The following ZNF143 variants were observed in gnomAD, a reference collection of about 807,000 sequenced individuals.
The protein encoded by ZNF143 is SPH-binding factor.
Under a neutral mutation model 74.1 loss-of-function variants are expected in ZNF143, and 49 were observed. The ratio of observed to expected loss-of-function variants is 0.66; its 90% confidence interval spans 0.53 to 0.84. ZNF143 has a LOEUF of 0.84. Ranked by LOEUF, ZNF143 falls within the 40% of genes least tolerant of loss-of-function variation. The probability of loss-of-function intolerance (pLI) is 0.00; values close to 1 mark genes in which losing one functional copy is unlikely to be tolerated. For missense variants in ZNF143, 637 were observed against 793.4 expected (o/e 0.80, Z 2.37); for synonymous variants, 304 against 282.8 (o/e 1.07, Z -0.75).
chr11:9,483,220 C>T (rs557834880), intron 7 of ZNF143, among the ~76,000 whole-genome samples: 13 of 149,742 alleles, frequency 8.7e-5, no homozygotes, highest in Non-Finnish European at 1.6e-4. Flanking sequence ...TCTCGAACTC[C>T]TGACCTCCAG....
chr11:9,496,995 C>T (rs952152587), intron 9 of ZNF143, among the ~76,000 whole-genome samples: 6 of 152,224 alleles, frequency 3.9e-5, no homozygotes, highest in African/African-American at 1.4e-4. Context: ...ACTCTAACAT[C>T]AGGACAGGCC....
intron 10 of ZNF143, 87 bp from the exon 11 acceptor site, chr11:9,501,004 A>G (rs1331457564): frequency 1.2e-5 from 18 of 1,508,168 alleles, no homozygotes; most frequent in East Asian, 4.6e-5. Context: ...AGTCTTGAGC[A>G]TAATCCTAGG....
intron 7 of ZNF143, among the ~76,000 whole-genome samples, chr11:9,481,353 C>G (rs1847231046): frequency 6.6e-6 from 1 of 152,110 alleles, no homozygotes; most frequent in African/African-American, 2.4e-5. Context: ...CCACTGCACT[C>G]CAGCCTAAGC....
At chr11:9,486,711 C>G (rs556266593) in intron 7 of ZNF143, among the ~76,000 whole-genome samples, 1 of 149,976 alleles carries the variant, frequency 6.7e-6, no homozygotes, top group African/African-American at 2.5e-5. Flanking sequence ...CTCTGTCACC[C>G]AGGCTGGAGT....
intron 8 of ZNF143, among the ~76,000 whole-genome samples, chr11:9,496,077 C>CG (rs1847947805): frequency 6.6e-6 from 1 of 152,174 alleles, no homozygotes; most frequent in African/African-American, 2.4e-5. Flanking sequence ...AGACCTCAAA[C>CG]GTTCCTGTTC....
chr11:9,474,686 G>C, intron 5 of ZNF143, 53 bp downstream of exon 5: 2 of 1,515,394 alleles, frequency 1.3e-6, no homozygotes, highest in Middle Eastern at 1.7e-4. Context: ...GGAGTGGTGG[G>C]GGAAAGAAGA....
In ZNF143 at chr11:9,527,615, C is replaced by A; in HGVS notation, c.*2C>A. On this transcript the variant is annotated 3_prime_UTR_variant, in exon 16 of 16. Transcript: ENST00000396602. Reference sequence around the variant, plus strand: ...GAAACGCCAGGGTTGGATGATTAATCCTCAGAACAATGGAGCAATAAAGCA... The same window carrying A: ...GAAACGCCAGGGTTGGATGATTAATACTCAGAACAATGGAGCAATAAAGCA... The A allele has an allele frequency of 1.9e-6, 3 of 1,613,256 alleles. No homozygotes were observed. Among genetic ancestry groups the A allele is most frequent in the Non-Finnish European group, 2.5e-6 (3 of 1,179,254 alleles).
chr11:9,515,392 G>A (rs1468432505), intron 13 of ZNF143, among the ~76,000 whole-genome samples: 1 of 152,154 alleles, frequency 6.6e-6, no homozygotes, highest in Non-Finnish European at 1.5e-5. Context: ...GCTCATGCCT[G>A]TAATCCCAGC....
intron 5 of ZNF143, among the ~76,000 whole-genome samples, chr11:9,476,746 CTTTTTTTTTTTTTT>C (rs869069237): frequency 6.0e-4 from 21 of 34,834 alleles, no homozygotes; most frequent in East Asian, 2.9e-3. Context: ...AGGGAGGAAT[CTTTTTTTTTTTTTT>C]TTTTTTTTTT....
rs576656858 is a variant in ZNF143 at position 9,479,970 on chromosome 11, C to G, written c.645+424C>G. ...ATTTCTTCTTCTTCCAGCTGATTCC[C>G]TCCATATTTTCCTTTTCAACTTCTG... On this transcript the variant is annotated intron_variant, in intron 7 of 15. Coordinates refer to ENST00000396602, the MANE Select transcript of ZNF143 (RefSeq NM_003442.6). Among the ~76,000 whole-genome samples the G allele has an allele frequency of 2.8e-3, 430 of 152,252 alleles. 1 individual carries two copies. The highest frequency in any genetic ancestry group is 9.3e-3 in the African/African-American group (387 of 41,544).
intron 12 of ZNF143, 119 bp downstream of exon 12, chr11:9,508,965 C>T: frequency 5.7e-6 from 6 of 1,048,908 alleles, no homozygotes; most frequent in Non-Finnish European, 8.3e-6. Flanking sequence ...ATCACATAAA[C>T]ATAATTTACA....
intron 14 of ZNF143, among the ~76,000 whole-genome samples, chr11:9,523,121 A>G (rs1029314545): frequency 2.0e-5 from 3 of 152,148 alleles, no homozygotes; most frequent in African/African-American, 7.2e-5. Context: ...GACACATTAT[A>G]GAGATTCTGA....
intron 5 of ZNF143, 61 bp from the exon 6 acceptor site, chr11:9,478,329 A>G (rs1277188568): frequency 1.3e-6 from 2 of 1,547,302 alleles, no homozygotes; most frequent in African/African-American, 1.4e-5. Flanking sequence ...CTTCCTTTAA[A>G]TATGTAAATA....
chr11:9,481,111 G>A (rs1211686588), intron 7 of ZNF143, among the ~76,000 whole-genome samples: 1 of 152,048 alleles, frequency 6.6e-6, no homozygotes, highest in Non-Finnish European at 1.5e-5. Flanking sequence ...CTTTAAGGCA[G>A]GTGTGGTGGC....
intron 7 of ZNF143, among the ~76,000 whole-genome samples, chr11:9,489,324 T>C (rs1847680518): frequency 6.6e-6 from 1 of 152,154 alleles, no homozygotes; most frequent in Non-Finnish European, 1.5e-5. Context: ...AACCTTGCTG[T>C]TGTCACCCAT....
chr11:9,472,256 T>G (rs963470799), intron 2 of ZNF143, among the ~76,000 whole-genome samples: 1 of 151,732 alleles, frequency 6.6e-6, no homozygotes, highest in South Asian at 2.1e-4. Flanking sequence ...AAATCTCACT[T>G]TTTTTCTTTT....
chr11:9,523,409 T>C (rs116646038), intron 14 of ZNF143, among the ~76,000 whole-genome samples: 3,896 of 152,232 alleles, frequency 0.026, 145 homozygotes, highest in African/African-American at 0.088. Flanking sequence ...GGAATGTTGT[T>C]GGAAACCGGA....
intron 1 of ZNF143, among the ~76,000 whole-genome samples, chr11:9,470,893 C>G (rs146561152): frequency 6.6e-6 from 1 of 152,128 alleles, no homozygotes; most frequent in East Asian, 1.9e-4. Context: ...CAGGGAAGTA[C>G]TGGTGAAGGT....
intron 3 of ZNF143, chr11:9,473,634 C>G (rs114730770): frequency 1.9e-6 from 1 of 522,394 alleles, no homozygotes; most frequent in Admixed American, 3.1e-5. Flanking sequence ...GTCATGGTCA[C>G]TGATTCTAAG....
Sources: allele counts gnomAD v4.1 joint callset (sites outside exome capture counted in the v4.1 genomes callset), GRCh38; gene constraint gnomAD v4.1.1; transcripts MANE v1.5; gene names NCBI Gene and HGNC (gene_info 2026-07-23, HGNC 2026-07-21).